The following PLXNB2 variants were observed in gnomAD, a reference collection of about 807,000 sequenced individuals.
PLXNB2 encodes the protein plexin B2.
Under a neutral mutation model 202.6 loss-of-function variants are expected in PLXNB2, and 85 were observed. That is an observed-to-expected ratio of 0.42 (90% confidence interval 0.35 to 0.50). PLXNB2 has a LOEUF of 0.50. PLXNB2 is among the 20% of genes least tolerant of loss of function. PLXNB2 has a pLI of 0.02. For synonymous variants in PLXNB2, 1,239 were observed against 1,137.6 expected (o/e 1.09, Z -1.79); for missense variants, 2,063 against 2,586.2 (o/e 0.80, Z 4.39).
At position 50,278,687 on chromosome 22, in the gene PLXNB2, G is replaced by A. The variant is rs1227731618; in HGVS notation, c.4556C>T (p.Pro1519Leu). The A allele has an allele frequency of 2.5e-6, 4 of 1,610,768 alleles. No homozygotes were observed. Among genetic ancestry groups the A allele is most frequent in the Admixed American group, 1.7e-5 (1 of 59,846 alleles). Reference protein sequence around the residue: ...RPDSVVLEWRPGSTAQILSDL... With the variant: ...RPDSVVLEWRLGSTAQILSDL... ...CGACAGGATCTGCGCTGTGGAGCCC[G>A]GACGCCACTCTGTGGGAAGAGACAG... The change falls in exon 29 of 37, where the codon CCG becomes CTG. Residue 1519 changes from proline to leucine, a missense_variant. Physicochemically the swap from Pro to Leu is moderately conservative, Grantham distance 98. This residue lies in a region of PLXNB2 where 760 missense variants were observed against 1,109.4 expected (regional missense o/e 0.69). Coordinates refer to ENST00000359337, the MANE Select transcript of PLXNB2 (RefSeq NM_012401.4).
At position 50,284,229 on chromosome 22, in the gene PLXNB2, G is replaced by A. The variant is rs2066250266; in HGVS notation, c.2182-16C>T. ...CGTGGGACAGCTGGGGGACACGCAG[G>A]GGCACACTGCACTTCCTGCCCCCAC... On this transcript the variant is annotated splice_polypyrimidine_tract_variant and intron_variant, in intron 12 of 36. Coordinates refer to ENST00000359337, the MANE Select transcript of PLXNB2 (RefSeq NM_012401.4). This position sits in a 1 kb window ranked among gnomAD's most constrained non-coding sequence, Gnocchi z 8.0. The A allele has an allele frequency of 5.0e-6, 8 of 1,610,954 alleles. No individual in the cohort carries two copies. The highest frequency in any genetic ancestry group is 1.3e-5 in the African/African-American group (1 of 74,972).
intron 1 of PLXNB2, among the ~76,000 whole-genome samples, chr22:50,302,562 G>C (rs1032507333): frequency 5.3e-5 from 8 of 152,090 alleles, no homozygotes; most frequent in Non-Finnish European, 1.5e-5. Context: ...TGGGCGGCCT[G>C]CCTGGGGCGC....
At chr22:50,287,437 AG>A (rs1198015300) in intron 7 of PLXNB2, among the ~76,000 whole-genome samples, 173 bp from the exon 8 acceptor site, 2 of 152,126 alleles carry the variant, frequency 1.3e-5, no homozygotes, top group Non-Finnish European at 2.9e-5. Flanking sequence ...CTCCTGGGAC[AG>A]GGCCTGAGTC....
At chr22:50,276,576 T>C in intron 35 of PLXNB2, 53 bp downstream of exon 35, 1 of 1,412,312 alleles carries the variant, frequency 7.1e-7, no homozygotes, top group African/African-American at 1.4e-5. Context: ...AGGCTCAGCA[T>C]GGGGTAGTGG....
Position 50,280,508 on chromosome 22 carries a change from G to A in PLXNB2, c.4156C>T (p.Pro1386Ser). The A allele has an allele frequency of 6.2e-7, 1 of 1,609,464 alleles. No homozygotes were observed. Among genetic ancestry groups the A allele is most frequent in the Non-Finnish European group, 8.5e-7 (1 of 1,179,048 alleles). Reference protein sequence around the residue: ...LLEQYVVAKNPKLMLRRSETV... With the variant: ...LLEQYVVAKNSKLMLRRSETV... Reference sequence around the variant, plus strand: ...GTGCACCTGCGCAGCATCAGCTTGGGGTTCTTGGCCACCACGTACTGCTCC... The same window carrying A: ...GTGCACCTGCGCAGCATCAGCTTGGAGTTCTTGGCCACCACGTACTGCTCC... Residue 1386 changes from proline to serine, a missense_variant, in exon 25 of 37, where the codon CCC becomes TCC. By Grantham distance (74) the Pro-to-Ser change is moderately conservative (BLOSUM62 -1). Transcript: ENST00000359337.
chr22:50,283,852 G>A lies in PLXNB2; in HGVS notation c.2402C>T (p.Pro801Leu). Residue 801 changes from proline to leucine, a missense_variant, in exon 14 of 37, where the codon CCG (proline) becomes CTG (leucine). Coordinates refer to ENST00000359337, the MANE Select transcript of PLXNB2 (RefSeq NM_012401.4). ...EALCNTTSEC[P>L]PPVITRIQPE... ...GCTCACCCTGGTGATGACGGGCGGC[G>A]GGCACTCGGAGGTGGTGTTGCACAG... is the stretch of plus-strand genomic sequence containing the variant. 2 of 1,609,202 alleles carry A rather than the reference G, an allele frequency of 1.2e-6. No homozygotes were observed. Among genetic ancestry groups the A allele is most frequent in the Middle Eastern group, 1.7e-4 (1 of 6,034 alleles).
rs200418278 is a variant in PLXNB2, at chr22:50,280,633, G to A, written c.4031C>T (p.Ala1344Val). 644 of 1,612,638 alleles carry A rather than the reference G, an allele frequency of 4.0e-4. 6 individuals carry two copies. Among genetic ancestry groups the A allele is most frequent in the Non-Finnish European group, 2.7e-5 (32 of 1,179,868 alleles). Residue 1344 changes from alanine to valine, a missense_variant, in exon 25 of 37, where the codon GCC becomes GTC. Ala to Val is a moderately conservative substitution (Grantham distance 64). Around this residue, in one of 2 missense-constraint regions of PLXNB2, gnomAD observed 760 missense variants for 1,109.4 expected, o/e 0.69. Coordinates refer to ENST00000359337, the MANE Select transcript of PLXNB2 (RefSeq NM_012401.4). ...HTLENQREFS[A>V]RAKVYFASLL... is the part of the protein sequence containing the mutation. ...GGACGCGAAGTAGACCTTGGCGCGG[G>A]CCGAGAACTCCCGCTGGTTCTCCAG...
Position 50,279,993 on chromosome 22 carries a change from G to T in PLXNB2, c.4242+12C>A, listed in dbSNP as rs1569159193. ...ATCCCTCAAGCCCCAGCCAGGCTGG[G>T]GTGGAACCCACCTTGAGGTACTGGT... On this transcript the variant is annotated intron_variant, in intron 26 of 36. Coordinates refer to ENST00000359337, the MANE Select transcript of PLXNB2 (RefSeq NM_012401.4). The T allele has an allele frequency of 2.5e-6, 4 of 1,595,888 alleles. No homozygotes were observed. The Middle Eastern group carries it at 6.7e-4, about 266-fold the overall frequency.
rs76619017 is a variant in PLXNB2, at chr22:50,296,361, A to G, written c.-73-1583T>C. On this transcript the variant is annotated intron_variant, in intron 1 of 36. Coordinates refer to ENST00000359337, the MANE Select transcript of PLXNB2 (RefSeq NM_012401.4). Reference sequence around the variant, plus strand: ...CAGGAGGTCTAGGCTGCAGTGAACTATGATTGTGGGCAACAGAGCGAGACC... The same window carrying G: ...CAGGAGGTCTAGGCTGCAGTGAACTGTGATTGTGGGCAACAGAGCGAGACC... Among the ~76,000 whole-genome samples, 504 of 151,786 alleles carry G rather than the reference A, an allele frequency of 3.3e-3. 7 individuals carry two copies. Among genetic ancestry groups the G allele is most frequent in the African/African-American group, 0.012 (480 of 41,156 alleles).
intron 7 of PLXNB2, 116 bp downstream of exon 7, chr22:50,287,551 C>T: frequency 9.0e-7 from 1 of 1,109,680 alleles, no homozygotes; most frequent in Non-Finnish European, 1.3e-6. Flanking sequence ...TGCCCAGAGC[C>T]CAGGCGGGGG....
rs189660980 is a variant in PLXNB2 at position 50,288,347 on chromosome 22, C to G, written c.1381-310G>C. ...CTGAGGGTCTCTGGCACTAACCCCC[C>G]ACAAGCTTGGGGCCCAGGCCCATGT... is the stretch of plus-strand genomic sequence containing the variant. On this transcript the variant is annotated intron_variant, in intron 5 of 36. Coordinates refer to ENST00000359337, the MANE Select transcript of PLXNB2 (RefSeq NM_012401.4). The surrounding 1 kb of genome is among the most constrained non-coding windows in gnomAD (Gnocchi z 5.0). Among the ~76,000 whole-genome samples the G allele has an allele frequency of 6.6e-6, 1 of 152,128 alleles. No individual in the cohort carries two copies. The highest frequency in any genetic ancestry group is 2.4e-5 in the African/African-American group (1 of 41,424).
chr22:50,288,929 C>T lies in PLXNB2; in HGVS notation c.1251+31G>A. The stretch of plus-strand genomic sequence containing the variant: ...GGGCCTTGTGCACAGACGGGCCCTC[C>T]AGAGCCTCCCCGCCCCAGCCTGGGC... On this transcript the variant is annotated intron_variant, in intron 4 of 36. Coordinates refer to ENST00000359337, the MANE Select transcript of PLXNB2 (RefSeq NM_012401.4). The surrounding 1 kb of genome is among the most constrained non-coding windows in gnomAD (Gnocchi z 5.0). 1.9e-6 allele frequency: 3 copies of T among 1,606,996 alleles called. No homozygotes were observed. Among genetic ancestry groups the T allele is most frequent in the Non-Finnish European group, 1.7e-6 (2 of 1,175,092 alleles).
chr22:50,285,917 T>A lies in PLXNB2; in HGVS notation c.1987-16A>T. 1 of 1,608,018 alleles carries A rather than the reference T, an allele frequency of 6.2e-7. No individual in the cohort carries two copies. Among genetic ancestry groups the A allele is most frequent in the Non-Finnish European group, 8.5e-7 (1 of 1,175,694 alleles). ...AGCTGTCCTCCTGGGAGAGTAAGGC[T>A]GGTCAGGTGCTGCCTGGGCACAGCG... On this transcript the variant is annotated splice_polypyrimidine_tract_variant and intron_variant, in intron 10 of 36. Coordinates refer to ENST00000359337, the MANE Select transcript of PLXNB2 (RefSeq NM_012401.4).
chr22:50,287,177 G>A lies in PLXNB2; in HGVS notation c.1696C>T (p.Arg566Cys), dbSNP rs765677296. The A allele has an allele frequency of 4.8e-5, 75 of 1,547,970 alleles. No homozygotes were observed. The highest frequency in any genetic ancestry group is 3.9e-4 in the East Asian group (16 of 40,818). The part of the protein sequence containing the change: ...LFGESPPHPA[R>C]VEGEAVICNS... Reference sequence around the variant, plus strand: ...CAGATGACGGCCTCGCCCTCCACGCGGGCGGGGTGTGGCGGCGACTCCCCA... The same window carrying A: ...CAGATGACGGCCTCGCCCTCCACGCAGGCGGGGTGTGGCGGCGACTCCCCA... The change falls in exon 8 of 37, where the codon CGC becomes TGC. Residue 566 changes from arginine to cysteine, a missense_variant. Arg to Cys is a radical substitution (Grantham distance 180). This residue lies in a region of PLXNB2 where 1,303 missense variants were observed against 1,476.8 expected (regional missense o/e 0.88). Coordinates refer to ENST00000359337, the MANE Select transcript of PLXNB2 (RefSeq NM_012401.4).
chr22:50,305,944 G>A (rs1390828705), intron 1 of PLXNB2, among the ~76,000 whole-genome samples: 1 of 152,272 alleles, frequency 6.6e-6, no homozygotes, highest in African/African-American at 2.4e-5. Context: ...CAAAGGTGAC[G>A]CATCTTCTCC....
In PLXNB2 at chr22:50,279,726, C is replaced by T; in HGVS notation, c.4293G>A (p.Gln1431=). 1 of 1,614,054 alleles carries T rather than the reference C, an allele frequency of 6.2e-7. No homozygotes were observed. Residue 1431 remains glutamine, a synonymous_variant, in exon 27 of 37, where the codon CAG becomes CAA. Coordinates refer to ENST00000359337, the MANE Select transcript of PLXNB2 (RefSeq NM_012401.4). ...LYKLFKAIKH[Q]VEKGPVDAVQ... The stretch of plus-strand genomic sequence containing the variant: ...CCGCATCCACCGGGCCCTTTTCCAC[C>T]TGATGTTTGATGGCCTTGAAGAGCT...
chr22:50,287,001 G>A, intron 8 of PLXNB2, 110 bp downstream of exon 8: 1 of 1,112,940 alleles, frequency 9.0e-7, no homozygotes, highest in East Asian at 2.9e-5. Flanking sequence ...CAGCCGCGGA[G>A]TGTGCCTGTG....
chr22:50,277,944 CA>C lies in PLXNB2; in HGVS notation c.4956del (p.Ala1653GlnfsTer38), dbSNP rs2065721750. ...AGGAAGTCGAAGAAGTACTTGACTGCAGGTGGCACCGCGTGCCCAGGCGCCA... is the reference window on the plus strand; with the variant it reads ...AGGAAGTCGAAGAAGTACTTGACTGCGGTGGCACCGCGTGCCCAGGCGCCA... ...SVLAPGHAVP[P>X]AVKYFFDFLD... On this transcript the variant is annotated frameshift_variant, in exon 32 of 37. Coordinates refer to ENST00000359337, the MANE Select transcript of PLXNB2 (RefSeq NM_012401.4). LOFTEE classifies it high-confidence loss of function. The C allele has an allele frequency of 6.2e-7, 1 of 1,613,060 alleles. No homozygotes were observed. Among genetic ancestry groups the C allele is most frequent in the Admixed American group, 1.7e-5 (1 of 60,034 alleles).
intron 1 of PLXNB2, among the ~76,000 whole-genome samples, chr22:50,303,271 C>A (rs1467985148): frequency 2.0e-5 from 3 of 152,220 alleles, no homozygotes; most frequent in Non-Finnish European, 2.9e-5. Context: ...ACCCACGCAG[C>A]CTGAGGCATA....
Sources: allele counts gnomAD v4.1 joint callset (sites outside exome capture counted in the v4.1 genomes callset), GRCh38; gene constraint gnomAD v4.1.1; regional missense constraint gnomAD v4.1.1; non-coding constraint Gnocchi (gnomAD v3.1); transcripts MANE v1.5; gene names NCBI Gene and HGNC (gene_info 2026-07-23, HGNC 2026-07-21).